TDRD3: variants seen among roughly 807,000 people sequenced by gnomAD.
TDRD3 encodes the protein tudor domain-containing protein 3.
A neutral mutation model predicts 86.7 loss-of-function variants in TDRD3; 45 were observed. The observed-to-expected ratio is 0.52, with a 90% CI of 0.41 to 0.67. The LOEUF (loss-of-function observed/expected upper bound fraction) is 0.67. Ranked by LOEUF, TDRD3 falls within the 30% of genes least tolerant of loss-of-function variation. The pLI, the probability that TDRD3 is intolerant of heterozygous loss-of-function variation, is 0.00. For missense variants in TDRD3, 814 were observed against 889.0 expected (o/e 0.92, Z 1.07); for synonymous variants, 298 against 301.7 (o/e 0.99, Z 0.13).
At chr13:60,439,807 A>G in intron 2 of TDRD3, 35 bp downstream of exon 2, 1 of 1,387,910 alleles carries the variant, frequency 7.2e-7, no homozygotes, top group Non-Finnish European at 9.7e-7. Flanking sequence ...AACATTTGAA[A>G]TCTGGAAGCT....
intron 12 of TDRD3, among the ~76,000 whole-genome samples, chr13:60,540,977 T>A (rs1412533538): frequency 1.3e-5 from 2 of 152,202 alleles, no homozygotes; most frequent in Non-Finnish European, 2.9e-5. Context: ...GTTTCTAACT[T>A]TAATTACAAT....
chr13:60,458,097 G>A (rs1485931551), intron 3 of TDRD3, among the ~76,000 whole-genome samples: 1 of 152,166 alleles, frequency 6.6e-6, no homozygotes, highest in East Asian at 1.9e-4. Flanking sequence ...AATTAAATAA[G>A]TAAACTTGCT....
At chr13:60,557,019 A>G (rs939672167) in intron 12 of TDRD3, among the ~76,000 whole-genome samples, 1 of 152,076 alleles carries the variant, frequency 6.6e-6, no homozygotes, top group Non-Finnish European at 1.5e-5. Context: ...AGCCTGACCA[A>G]CGTGGAGAAA....
At chr13:60,521,583 G>A (rs1957285077) in intron 10 of TDRD3, among the ~76,000 whole-genome samples, 1 of 152,156 alleles carries the variant, frequency 6.6e-6, no homozygotes, top group African/African-American at 2.4e-5. Flanking sequence ...TGTAGCATGA[G>A]TCTACTTTTT....
At chr13:60,513,598 CAT>C (rs980734530) in intron 10 of TDRD3, among the ~76,000 whole-genome samples, 13 of 152,270 alleles carry the variant, frequency 8.5e-5, no homozygotes, top group African/African-American at 3.1e-4. Context: ...TGAATTCCCA[CAT>C]GTTGTGGGAG....
At chr13:60,525,749 A>G (rs1957415068) in intron 10 of TDRD3, among the ~76,000 whole-genome samples, 1 of 152,194 alleles carries the variant, frequency 6.6e-6, no homozygotes, top group African/African-American at 2.4e-5. Context: ...TTTCTAAGAT[A>G]GTACTTTTGA....
intron 12 of TDRD3, among the ~76,000 whole-genome samples, chr13:60,550,061 GT>G (rs1199845450): frequency 6.6e-6 from 1 of 151,918 alleles, no homozygotes; most frequent in Non-Finnish European, 1.5e-5. Context: ...CAAAATATTG[GT>G]AAATGTTCAA....
intron 8 of TDRD3, among the ~76,000 whole-genome samples, chr13:60,501,286 C>G (rs1956825868): frequency 6.6e-6 from 1 of 152,166 alleles, no homozygotes; most frequent in African/African-American, 2.4e-5. Context: ...GGAACAACAG[C>G]TAGGGCTCCT....
Position 60,569,723 on chromosome 13 carries a change from A to G in TDRD3, c.*9+2073A>G, listed in dbSNP as rs1958539509. On this transcript the variant is annotated intron_variant, in intron 13 of 13. Coordinates refer to ENST00000377881, the MANE Select transcript of TDRD3 (RefSeq NM_001146070.2). ...AATAGCATAGTACTGACATAAAAAC[A>G]AACAGACCAATGGAACAGAATGGAG... is the stretch of plus-strand genomic sequence containing the variant. Among the ~76,000 whole-genome samples, 4 of 152,172 alleles carry G rather than the reference A, an allele frequency of 2.6e-5. No individual in the cohort carries two copies. In the South Asian group the frequency reaches 8.3e-4, roughly 31 times the overall value.
At chr13:60,525,619 C>T (rs1449879465) in intron 10 of TDRD3, among the ~76,000 whole-genome samples, 2 of 152,096 alleles carry the variant, frequency 1.3e-5, no homozygotes, top group African/African-American at 2.4e-5. Context: ...ATCATCAATT[C>T]AGTAACTGAA....
At chr13:60,398,388 C>G (rs7318738) in intron 1 of TDRD3, among the ~76,000 whole-genome samples, 6,336 of 152,196 alleles carry the variant, frequency 0.042, 445 homozygotes, top group African/African-American at 0.14. Context: ...GAGTTACTTT[C>G]CTAAAGTGGA....
intron 7 of TDRD3, among the ~76,000 whole-genome samples, chr13:60,490,711 T>G (rs1956567685): frequency 2.0e-5 from 3 of 152,192 alleles, no homozygotes; most frequent in Non-Finnish European, 4.4e-5. Flanking sequence ...GATGATGCCT[T>G]GGACAAACAT....
intron 1 of TDRD3, among the ~76,000 whole-genome samples, chr13:60,399,842 A>G (rs904755281): frequency 1.3e-5 from 2 of 152,250 alleles, no homozygotes; most frequent in African/African-American, 2.4e-5. Flanking sequence ...AAAGTTTACA[A>G]TTCTGAAAAT....
chr13:60,567,020 G>C (rs1236087408), intron 12 of TDRD3, among the ~76,000 whole-genome samples: 1 of 152,114 alleles, frequency 6.6e-6, no homozygotes, highest in Non-Finnish European at 1.5e-5. Context: ...GTTCTTAACA[G>C]TGCTGGAGAT....
chr13:60,503,320 A>C (rs111794458), intron 8 of TDRD3, among the ~76,000 whole-genome samples: 1 of 152,220 alleles, frequency 6.6e-6, no homozygotes, highest in Admixed American at 6.5e-5. Context: ...GAGAAGGAAC[A>C]GAGCAAGACA....
chr13:60,504,265 G>A (rs968947074), intron 8 of TDRD3, among the ~76,000 whole-genome samples: 3 of 152,118 alleles, frequency 2.0e-5, no homozygotes, highest in Admixed American at 6.6e-5. Context: ...ACTGTTTAGT[G>A]ATCTCAAATA....
intron 12 of TDRD3, among the ~76,000 whole-genome samples, chr13:60,544,288 T>TA (rs1330926661): frequency 6.6e-6 from 1 of 151,008 alleles, no homozygotes; most frequent in African/African-American, 2.4e-5. Context: ...TAAAATAAAA[T>TA]AAAAAATTAG....
At chr13:60,524,585 A>G (rs1374705289) in intron 10 of TDRD3, among the ~76,000 whole-genome samples, 2 of 152,046 alleles carry the variant, frequency 1.3e-5, no homozygotes, top group East Asian at 3.9e-4. Flanking sequence ...ATAATTGAGT[A>G]TATTTGTTAT....
In TDRD3 at chr13:60,528,523, C is replaced by T; in HGVS notation, c.1298C>T (p.Ser433Phe). Residue 433 changes from serine (S) to phenylalanine (F), a missense_variant, in exon 11 of 14, where the codon TCC becomes TTC. Transcript: ENST00000377881. ...NEKPPRFQRD[S>F]QNSKSVLEGS... ...AAACCGCCTCGTTTTCAAAGAGACT[C>T]CCAAAATTCAAAGTCAGTTTTAGAA... The T allele has an allele frequency of 6.2e-7, 1 of 1,613,908 alleles. No homozygotes were observed. Among genetic ancestry groups the T allele is most frequent in the Non-Finnish European group, 8.5e-7 (1 of 1,179,920 alleles).
Sources: gnomAD v4.1 joint callset for allele counts (sites outside exome capture counted in the v4.1 genomes callset) on GRCh38, gnomAD v4.1.1 for gene constraint, MANE v1.5 for transcripts, NCBI Gene and HGNC (gene_info 2026-07-23, HGNC 2026-07-21) for gene names.